NAALADL2: variants seen among roughly 807,000 people sequenced by gnomAD.
NAALADL2 encodes the protein N-acetylated alpha-linked acidic dipeptidase like 2.
NAALADL2 carries 76 observed loss-of-function variants against 87.2 expected under a neutral mutation model. The observed-to-expected ratio is 0.87, with a 90% CI of 0.72 to 1.05. The LOEUF (loss-of-function observed/expected upper bound fraction) is 1.05, where lower values mean the gene tolerates loss of function less well. NAALADL2 is among the 50% of genes least tolerant of loss of function. The pLI, the probability that NAALADL2 is intolerant of heterozygous loss-of-function variation, is 0.00. For missense variants in NAALADL2, 1,089 were observed against 945.8 expected (o/e 1.15, Z -1.99); for synonymous variants, 354 against 331.0 (o/e 1.07, Z -0.75).
At chr3:175,708,459 TAA>T (rs1267339593) in intron 11 of NAALADL2, among the ~76,000 whole-genome samples, 1 of 152,036 alleles carries the variant, frequency 6.6e-6, no homozygotes, top group African/African-American at 2.4e-5. Flanking sequence ...CAAGAAATAT[TAA>T]GTTATTTGAT....
chr3:174,494,409 G>T (rs2063817), intron 1 of NAALADL2, among the ~76,000 whole-genome samples: 45,893 of 149,832 alleles, frequency 0.31, 7,337 homozygotes, highest in South Asian at 0.47. Context: ...TCACTCATAG[G>T]TGGGAATTGA....
At chr3:175,487,886 T>G (rs925050886) in intron 9 of NAALADL2, among the ~76,000 whole-genome samples, 1 of 152,174 alleles carries the variant, frequency 6.6e-6, no homozygotes, top group African/African-American at 2.4e-5. Flanking sequence ...ATGCATGTTT[T>G]TAAATTATTT....
intron 2 of NAALADL2, among the ~76,000 whole-genome samples, chr3:174,681,657 C>T (rs976235089): frequency 2.6e-5 from 4 of 152,192 alleles, no homozygotes; most frequent in African/African-American, 7.2e-5. Flanking sequence ...GCTGGCTACT[C>T]GCCATGATCC....
At chr3:174,930,395 T>G (rs1736688542) in intron 1 of NAALADL2, among the ~76,000 whole-genome samples, 2 of 152,006 alleles carry the variant, frequency 1.3e-5, no homozygotes, top group African/African-American at 2.4e-5. Context: ...AGTAATCCTT[T>G]CCACTAAAGG....
intron 6 of NAALADL2, among the ~76,000 whole-genome samples, chr3:175,450,746 G>A (rs1351638941): frequency 6.6e-6 from 1 of 152,168 alleles, no homozygotes; most frequent in Non-Finnish European, 1.5e-5. Context: ...ATAAAATGTT[G>A]ATGGGAAATG....
At chr3:175,627,465 C>A in intron 11 of NAALADL2, 79 bp downstream of exon 11, 2 of 810,960 alleles carry the variant, frequency 2.5e-6, no homozygotes, top group Non-Finnish European at 3.9e-6. Context: ...GGAACATAAC[C>A]AATCAAGAGC....
intron 2 of NAALADL2, among the ~76,000 whole-genome samples, chr3:174,677,634 ATCAG>A (rs1394238522): frequency 1.3e-5 from 2 of 152,108 alleles, no homozygotes; most frequent in Non-Finnish European, 2.9e-5. Context: ...ATTTTTATAT[ATCAG>A]TCAATCCATA....
chr3:175,691,980 GA>G (rs1298065102), intron 11 of NAALADL2, among the ~76,000 whole-genome samples: 1 of 152,050 alleles, frequency 6.6e-6, no homozygotes, highest in Non-Finnish European at 1.5e-5. Context: ...TCTCGAATAT[GA>G]TGCTGCTAAA....
chr3:174,579,945 C>T (rs1186876694), intron 2 of NAALADL2, among the ~76,000 whole-genome samples: 1 of 151,798 alleles, frequency 6.6e-6, no homozygotes, highest in East Asian at 1.9e-4. Context: ...CCTTGTTCTA[C>T]TTTGTGATCA....
At chr3:175,647,374 G>T (rs1730157561) in intron 11 of NAALADL2, among the ~76,000 whole-genome samples, 1 of 152,032 alleles carries the variant, frequency 6.6e-6, no homozygotes, top group African/African-American at 2.4e-5. Context: ...ATTAAAAAAA[G>T]ACAGAAATGT....
chr3:174,835,985 T>C (rs73174769), intron 3 of NAALADL2, among the ~76,000 whole-genome samples: 15,816 of 152,154 alleles, frequency 0.1, 952 homozygotes, highest in Middle Eastern at 0.15. Flanking sequence ...GATCCAAAGG[T>C]TTTACTTCTG....
chr3:174,975,363 A>G (rs2108625680), intron 1 of NAALADL2, among the ~76,000 whole-genome samples: 1 of 152,326 alleles, frequency 6.6e-6, no homozygotes, highest in South Asian at 2.1e-4. Flanking sequence ...TAATAGCTAC[A>G]CTACTTCCAG....
At chr3:174,728,585 G>A (rs931601618) in intron 2 of NAALADL2, among the ~76,000 whole-genome samples, 4 of 151,956 alleles carry the variant, frequency 2.6e-5, no homozygotes, top group African/African-American at 7.2e-5. Flanking sequence ...GTACTTGAAA[G>A]CATTTTTCAT....
intron 1 of NAALADL2, among the ~76,000 whole-genome samples, chr3:175,013,299 A>ATTTTTTT (rs1303778794): frequency 2.7e-5 from 2 of 75,162 alleles, no homozygotes; most frequent in African/African-American, 6.2e-5. Context: ...ATATATATAT[A>ATTTTTTT]TATTTTTTTT....
intron 3 of NAALADL2, among the ~76,000 whole-genome samples, chr3:174,839,932 A>C (rs1004385531): frequency 6.6e-6 from 1 of 152,186 alleles, no homozygotes; most frequent in African/African-American, 2.4e-5. Flanking sequence ...TTACTATGGA[A>C]AACAGTGTGG....
chr3:174,682,456 A>G (rs972709266), intron 2 of NAALADL2, among the ~76,000 whole-genome samples: 2 of 152,164 alleles, frequency 1.3e-5, no homozygotes, highest in Non-Finnish European at 2.9e-5. Flanking sequence ...GTGAAACCCA[A>G]TAACATGCTG....
At chr3:175,067,614 G>A (rs1714776233) in intron 1 of NAALADL2, among the ~76,000 whole-genome samples, 1 of 152,094 alleles carries the variant, frequency 6.6e-6, no homozygotes, top group South Asian at 2.1e-4. Flanking sequence ...GGGCTGCAGA[G>A]AAAAAGGAAT....
chr3:174,790,375 C>T (rs977129928), intron 3 of NAALADL2, among the ~76,000 whole-genome samples: 3 of 152,034 alleles, frequency 2.0e-5, no homozygotes, highest in Non-Finnish European at 4.4e-5. Flanking sequence ...TAAGTTCAGG[C>T]GTGGTGGTTC....
At chr3:175,201,388 T>C (rs948934442) in intron 2 of NAALADL2, among the ~76,000 whole-genome samples, 1 of 152,236 alleles carries the variant, frequency 6.6e-6, no homozygotes, top group African/African-American at 2.4e-5. Flanking sequence ...CAACTACTTA[T>C]TGATCTTCTA....
Sources: gnomAD v4.1 joint callset for allele counts (sites outside exome capture counted in the v4.1 genomes callset) on GRCh38, gnomAD v4.1.1 for gene constraint, MANE v1.5 for transcripts, NCBI Gene and HGNC (gene_info 2026-07-23, HGNC 2026-07-21) for gene names.